Variants in PXDNL observed in about 807,000 individuals in gnomAD.
The protein encoded by PXDNL is peroxidasin like, also known as probable oxidoreductase PXDNL.
PXDNL carries 145 observed loss-of-function variants against 150.8 expected under a neutral mutation model. The observed-to-expected ratio is 0.96, with a 90% CI of 0.84 to 1.10. The LOEUF (loss-of-function observed/expected upper bound fraction) is 1.10, where lower values mean the gene tolerates loss of function less well. PXDNL is among the 50% of genes least tolerant of loss of function. PXDNL has a pLI of 0.00. For synonymous variants in PXDNL, 757 were observed against 725.7 expected, an observed-to-expected ratio of 1.04 and a Z score of -0.69; for missense variants, 2,087 against 1,873.9, an observed-to-expected ratio of 1.11 and a Z score of -2.10.
At chr8:51,713,627 A>T (rs1289367151) in intron 1 of PXDNL, among the ~76,000 whole-genome samples, 1 of 152,192 alleles carries the variant, frequency 6.6e-6, no homozygotes, top group African/African-American at 2.4e-5. Flanking sequence ...TTAAGTGTAA[A>T]TTAATATGCT....
intron 19 of PXDNL, among the ~76,000 whole-genome samples, chr8:51,368,477 C>T (rs1034728329): frequency 1.3e-5 from 2 of 151,870 alleles, no homozygotes; most frequent in African/African-American, 4.8e-5. Flanking sequence ...TTGGAAGATG[C>T]TGGTATCAGT....
intron 1 of PXDNL, among the ~76,000 whole-genome samples, chr8:51,709,461 C>T (rs374772278): frequency 2.3e-4 from 35 of 152,058 alleles, no homozygotes; most frequent in East Asian, 9.7e-4. Context: ...TCACCGTGTT[C>T]GCCAGGATGT....
At chr8:51,581,203 T>A (rs1813204176) in intron 3 of PXDNL, among the ~76,000 whole-genome samples, 1 of 152,084 alleles carries the variant, frequency 6.6e-6, no homozygotes, top group African/African-American at 2.4e-5. Flanking sequence ...ATCTGTAAGG[T>A]TGACCTTGTA....
At chr8:51,547,447 C>G (rs927462459) in intron 4 of PXDNL, among the ~76,000 whole-genome samples, 25 of 152,278 alleles carry the variant, frequency 1.6e-4, no homozygotes, top group Middle Eastern at 3.4e-3. Context: ...ACTTCACTTC[C>G]CCACAACCTC....
chr8:51,320,788 C>G lies in PXDNL; in HGVS notation c.4256G>C (p.Cys1419Ser). The change falls in exon 22 of 23, where the codon TGT becomes TCT. Residue 1419 changes from cysteine (C) to serine (S), a missense_variant. Transcript: ENST00000356297. ...TGGAAAACTCGCAGCACAAACCTCA[C>G]AAATGCAGTGAGTGCAGTCTTCTTT... ...WMKEDCTHCI[C>S]ESGQVTCVVE... 1 of 1,612,516 alleles carries G rather than the reference C, an allele frequency of 6.2e-7. No individual in the cohort carries two copies. The highest frequency in any genetic ancestry group is 1.3e-5 in the African/African-American group (1 of 74,912).
chr8:51,766,667 A>G (rs1304592235), intron 1 of PXDNL, among the ~76,000 whole-genome samples: 2 of 152,054 alleles, frequency 1.3e-5, no homozygotes, highest in African/African-American at 2.4e-5. Flanking sequence ...CACTGCCTGA[A>G]GTCTCCATGG....
At chr8:51,763,745 G>A (rs1225124855) in intron 1 of PXDNL, among the ~76,000 whole-genome samples, 1 of 151,964 alleles carries the variant, frequency 6.6e-6, no homozygotes, top group Non-Finnish European at 1.5e-5. Flanking sequence ...TTCACCACAA[G>A]TACATACAAA....
intron 1 of PXDNL, among the ~76,000 whole-genome samples, chr8:51,733,780 C>A (rs1816977656): frequency 6.8e-6 from 1 of 147,606 alleles, no homozygotes; most frequent in African/African-American, 2.5e-5. Context: ...TGCACTCCAG[C>A]CTGGGTGACA....
intron 4 of PXDNL, among the ~76,000 whole-genome samples, chr8:51,505,389 C>A (rs1259163363): frequency 1.3e-5 from 2 of 152,154 alleles, no homozygotes; most frequent in African/African-American, 4.8e-5. Flanking sequence ...CACATAAAAA[C>A]AAATGTTCTG....
At chr8:51,422,355 C>G (rs1034630674) in intron 14 of PXDNL, among the ~76,000 whole-genome samples, 12 of 152,166 alleles carry the variant, frequency 7.9e-5, no homozygotes, top group Admixed American at 6.5e-5. Context: ...AAAACCAGTT[C>G]CTGGTGCCAA....
At chr8:51,768,589 C>A (rs1342632678) in intron 1 of PXDNL, among the ~76,000 whole-genome samples, 1 of 151,972 alleles carries the variant, frequency 6.6e-6, no homozygotes, top group African/African-American at 2.4e-5. Context: ...TATATTAATA[C>A]AGGGCTAGAA....
rs552109931 is a variant in PXDNL, at chr8:51,718,704, T to C, written c.165-63944A>G. Among the ~76,000 whole-genome samples, 3 of 152,340 alleles carry C rather than the reference T, an allele frequency of 2.0e-5. No homozygotes were observed. In the East Asian group the frequency reaches 5.8e-4, roughly 29 times the overall value. On this transcript the variant is annotated intron_variant, in intron 1 of 22. Transcript: ENST00000356297. ...AAAACTCAAAGATGGACACATCTGC[T>C]TGAAGTATCTTGTTTCACAGTCTCC...
At chr8:51,366,516 T>G (rs1277616497) in intron 19 of PXDNL, among the ~76,000 whole-genome samples, 2 of 151,654 alleles carry the variant, frequency 1.3e-5, no homozygotes, top group Admixed American at 6.6e-5. Flanking sequence ...TTTTTAACAA[T>G]GTACACATCT....
At chr8:51,595,955 G>C (rs758831319) in intron 2 of PXDNL, among the ~76,000 whole-genome samples, 1 of 152,130 alleles carries the variant, frequency 6.6e-6, no homozygotes. Flanking sequence ...TGTTACCTCG[G>C]TATATTGCAT....
At chr8:51,339,494 A>T in intron 21 of PXDNL, 130 bp downstream of exon 21, 1 of 925,648 alleles carries the variant, frequency 1.1e-6, no homozygotes, top group Admixed American at 2.9e-5. Flanking sequence ...AAAAAGCAAT[A>T]CAACTCCCTG....
chr8:51,488,070 A>G (rs1037256464), intron 5 of PXDNL, among the ~76,000 whole-genome samples: 7 of 152,248 alleles, frequency 4.6e-5, no homozygotes. Flanking sequence ...TCCGGGGAAA[A>G]GAATTTTAGT....
chr8:51,543,705 C>T (rs1256039697), intron 4 of PXDNL, among the ~76,000 whole-genome samples: 68 of 82,224 alleles, frequency 8.3e-4, no homozygotes, highest in African/African-American at 3.4e-3. Flanking sequence ...AGCGAGACTC[C>T]ATATCAAAAA....
chr8:51,763,077 C>T (rs1475100458), intron 1 of PXDNL, among the ~76,000 whole-genome samples: 3 of 152,118 alleles, frequency 2.0e-5, no homozygotes, highest in Admixed American at 6.5e-5. Context: ...ACTCCATATC[C>T]ATTAGCAGTA....
At chr8:51,710,125 C>T (rs1030283281) in intron 1 of PXDNL, among the ~76,000 whole-genome samples, 1 of 152,202 alleles carries the variant, frequency 6.6e-6, no homozygotes, top group Non-Finnish European at 1.5e-5. Flanking sequence ...GTCTGCTCTG[C>T]TAATCCCTTT....
Sources: allele counts gnomAD v4.1 joint callset (sites outside exome capture counted in the v4.1 genomes callset), GRCh38; gene constraint gnomAD v4.1.1; transcripts MANE v1.5; gene names NCBI Gene and HGNC (gene_info 2026-07-23, HGNC 2026-07-21).